The following MAPT variants were observed in gnomAD, a reference collection of about 807,000 sequenced individuals.
MAPT encodes the protein microtubule-associated protein tau.
Under a neutral mutation model 67.9 loss-of-function variants are expected in MAPT, and 34 were observed. The ratio of observed to expected loss-of-function variants is 0.50; its 90% CI spans 0.38 to 0.67. The LOEUF (loss-of-function observed/expected upper bound fraction) is 0.67, where lower values mean the gene tolerates loss of function less well. MAPT is among the 30% of genes least tolerant of loss of function. The probability of loss-of-function intolerance (pLI) is 0.00; values close to 1 mark genes in which losing one functional copy is unlikely to be tolerated. For synonymous variants in MAPT, 456 were observed against 464.5 expected, an observed-to-expected ratio of 0.98 and a Z score of 0.23; for missense variants, 881 against 1,115.2, an observed-to-expected ratio of 0.79 and a Z score of 2.99.
chr17:45,963,809 G>T (rs921326289), intron 2 of MAPT, among the ~76,000 whole-genome samples: 4 of 152,092 alleles, frequency 2.6e-5, no homozygotes, highest in Non-Finnish European at 4.4e-5. Flanking sequence ...CACAGGGAGT[G>T]GCCATCCCAG....
At chr17:45,987,696 C>T (rs978384494) in intron 6 of MAPT, among the ~76,000 whole-genome samples, 2 of 152,236 alleles carry the variant, frequency 1.3e-5, no homozygotes, top group Admixed American at 1.3e-4. Flanking sequence ...GTACTGGAGC[C>T]CGGAGGGCAT....
intron 1 of MAPT, among the ~76,000 whole-genome samples, chr17:45,914,520 A>G (rs867997020): frequency 1.8e-4 from 28 of 152,312 alleles, no homozygotes; most frequent in Middle Eastern, 3.4e-3. Flanking sequence ...GGAACAAGGC[A>G]GGTACTGTGT....
At chr17:45,937,599 G>GAA (rs66493031) in intron 1 of MAPT, among the ~76,000 whole-genome samples, 1 of 73,596 alleles carries the variant, frequency 1.4e-5, no homozygotes, top group African/African-American at 6.6e-5. Context: ...CTCAAAAAAA[G>GAA]AAAAAAAAAA....
intron 1 of MAPT, among the ~76,000 whole-genome samples, chr17:45,919,233 G>A (rs562552844): frequency 1.1e-4 from 17 of 152,004 alleles, no homozygotes; most frequent in Non-Finnish European, 1.5e-4. Flanking sequence ...GCCTCCCCTC[G>A]GCCTCTCCTG....
chr17:45,929,880 G>A (rs1431634986), intron 1 of MAPT, among the ~76,000 whole-genome samples: 2 of 152,140 alleles, frequency 1.3e-5, no homozygotes, highest in Non-Finnish European at 2.9e-5. Flanking sequence ...TTTGTTTGCT[G>A]TTAGTGGATC....
chr17:45,987,769 T>G (rs2073704078), intron 6 of MAPT, among the ~76,000 whole-genome samples: 1 of 152,232 alleles, frequency 6.6e-6, no homozygotes, highest in Admixed American at 6.5e-5. Context: ...CGGAAGTGCC[T>G]GCAGAGTCAG....
intron 8 of MAPT, chr17:45,993,842 G>C (rs2074261733): frequency 1.4e-6 from 2 of 1,405,650 alleles, no homozygotes; most frequent in African/African-American, 1.4e-5. Flanking sequence ...GGCCAGCTGT[G>C]GGTGCCTGCC....
intron 9 of MAPT, among the ~76,000 whole-genome samples, chr17:45,998,467 T>C (rs1211423524): frequency 6.6e-6 from 1 of 152,116 alleles, no homozygotes; most frequent in Non-Finnish European, 1.5e-5. Context: ...GGACAGACAG[T>C]GGCTCCCCTG....
chr17:45,928,797 A>G (rs1173508533), intron 1 of MAPT, among the ~76,000 whole-genome samples: 1 of 152,068 alleles, frequency 6.6e-6, no homozygotes, highest in Non-Finnish European at 1.5e-5. Flanking sequence ...TCGGGTTCAC[A>G]CCATTCTCCT....
chr17:45,903,576 G>A (rs1408192690), intron 1 of MAPT, among the ~76,000 whole-genome samples: 3 of 149,254 alleles, frequency 2.0e-5, no homozygotes, highest in Admixed American at 6.8e-5. Context: ...TTAGCCGGGC[G>A]TGGTGGCGGG....
rs771296177 is a variant in MAPT, at chr17:45,983,164, G to A, written c.585G>A (p.Ala195=). 21 of 1,605,250 alleles carry A rather than the reference G, an allele frequency of 1.3e-5. No homozygotes were observed. The highest frequency in any genetic ancestry group is 1.6e-4 in the Middle Eastern group (1 of 6,076). The part of the protein sequence containing the change: ...GPAFPKPATT[A]YLHTEPESGK... ...CCTTTCCGAAGCCCGCCACCACTGC[G>A]TATCTCCACACAGAGCCTGAAAGTG... is the stretch of plus-strand genomic sequence containing the variant. Residue 195 remains alanine (A), a synonymous_variant, in exon 5 of 13, where the codon GCG becomes GCA. Coordinates refer to ENST00000262410, the MANE Select transcript of MAPT (RefSeq NM_001377265.1).
At chr17:45,955,902 A>C (rs2069598983) in intron 1 of MAPT, among the ~76,000 whole-genome samples, 1 of 152,032 alleles carries the variant, frequency 6.6e-6, no homozygotes, top group Middle Eastern at 3.2e-3. Context: ...TGCCCGGCTA[A>C]TTTTTGTGTT....
intron 2 of MAPT, among the ~76,000 whole-genome samples, chr17:45,964,193 TTTG>T (rs1453712773): frequency 6.6e-6 from 1 of 151,898 alleles, no homozygotes; most frequent in Admixed American, 6.6e-5. Flanking sequence ...TCTCCTTTGT[TTTG>T]TTTTTTTTTG....
intron 1 of MAPT, among the ~76,000 whole-genome samples, chr17:45,944,377 C>A (rs2068268245): frequency 6.6e-6 from 1 of 152,216 alleles, no homozygotes. Flanking sequence ...CACCTCCAAA[C>A]TCAGGGGCCC....
intron 10 of MAPT, among the ~76,000 whole-genome samples, chr17:46,012,386 G>A (rs918796309): frequency 2.0e-5 from 3 of 152,036 alleles, no homozygotes; most frequent in Non-Finnish European, 4.4e-5. Context: ...TGTGTCCCGC[G>A]CTCTGCTTGT....
In MAPT at chr17:46,024,759, AGT is replaced by A. The variant is rs1266936800; in HGVS notation, c.*590_*591del. ...GGGGAGAGGAAGCACAAGAAGTGGG[AGT>A]GGGAGAGGAAGCCACGTGCTGGAGA... On this transcript the variant is annotated 3_prime_UTR_variant, in exon 13 of 13. Coordinates refer to ENST00000262410, the MANE Select transcript of MAPT (RefSeq NM_001377265.1). 1 of 182,742 alleles carries A rather than the reference AGT, an allele frequency of 5.5e-6. No homozygotes were observed. The highest frequency in any genetic ancestry group is 1.2e-5 in the Non-Finnish European group (1 of 85,568). 11.3% of individuals were successfully genotyped at this position (182,742 alleles called of 1,614,324 possible).
intron 1 of MAPT, among the ~76,000 whole-genome samples, chr17:45,939,389 T>C (rs938088194): frequency 9.2e-5 from 14 of 152,230 alleles, no homozygotes; most frequent in African/African-American, 3.1e-4. Context: ...TGATATCTTA[T>C]CAGATTTTCC....
chr17:45,971,727 G>T lies in MAPT; in HGVS notation c.134-132G>T. The T allele has an allele frequency of 9.6e-6, 7 of 730,058 alleles. No homozygotes were observed. The highest frequency in any genetic ancestry group is 1.7e-5 in the Non-Finnish European group (7 of 402,566). 45.2% of individuals were successfully genotyped at this position (730,058 alleles called of 1,614,324 possible). On this transcript the variant is annotated intron_variant, in intron 2 of 12. Transcript: ENST00000262410. The surrounding 1 kb of genome is among the most constrained non-coding windows in gnomAD (Gnocchi z 4.3). ...GGTCCCCTTTGTGGGTTTGTTGCGAGGCCGTGTTCCAGCTGTTTCCACAGG... is the reference window on the plus strand; with the variant it reads ...GGTCCCCTTTGTGGGTTTGTTGCGATGCCGTGTTCCAGCTGTTTCCACAGG...
chr17:45,947,372 T>C (rs1294261529), intron 1 of MAPT, among the ~76,000 whole-genome samples: 3 of 149,730 alleles, frequency 2.0e-5, no homozygotes, highest in Non-Finnish European at 3.0e-5. Flanking sequence ...CCTCCTCATC[T>C]CTTTCTTTTT....
Sources: allele counts gnomAD v4.1 joint callset (sites outside exome capture counted in the v4.1 genomes callset), GRCh38; gene constraint gnomAD v4.1.1; non-coding constraint Gnocchi (gnomAD v3.1); transcripts MANE v1.5; gene names NCBI Gene and HGNC (gene_info 2026-07-23, HGNC 2026-07-21).